Variants in FSTL5 observed in about 807,000 individuals in gnomAD.
FSTL5 encodes the protein follistatin-related protein 5.
FSTL5 carries 62 observed loss-of-function variants against 89.1 expected under a neutral mutation model. The ratio of observed to expected loss-of-function variants is 0.70; its 90% CI spans 0.57 to 0.86. The LOEUF (loss-of-function observed/expected upper bound fraction) is 0.86. Ranked by LOEUF, FSTL5 falls within the 40% of genes least tolerant of loss-of-function variation. FSTL5 has a pLI of 0.00. For missense variants in FSTL5, 1,057 were observed against 1,001.6 expected, an observed-to-expected ratio of 1.06 and a Z score of -0.75; for synonymous variants, 383 against 346.2, an observed-to-expected ratio of 1.11 and a Z score of -1.18.
Position 161,391,151 on chromosome 4 carries a change from G to A in FSTL5, c.1842-4702C>T, listed in dbSNP as rs561370114. On this transcript the variant is annotated intron_variant, in intron 15 of 15. Transcript: ENST00000306100. Reference sequence around the variant, plus strand: ...ACAAAAGCATTTTGAAAGCTGTTCCGATGTCCCAATTATTAAAGTCATATT... The same window carrying A: ...ACAAAAGCATTTTGAAAGCTGTTCCAATGTCCCAATTATTAAAGTCATATT... Among the ~76,000 whole-genome samples the A allele has an allele frequency of 1.3e-4, 20 of 152,138 alleles. No individual in the cohort carries two copies. The South Asian group carries it at 3.1e-3, about 24-fold the overall frequency.
chr4:161,993,150 CTTAT>C (rs1292378606), intron 3 of FSTL5, among the ~76,000 whole-genome samples: 3 of 150,982 alleles, frequency 2.0e-5, no homozygotes, highest in Non-Finnish European at 4.4e-5. Context: ...TTTGTCAATA[CTTAT>C]TTATCTTTTT....
chr4:161,580,647 G>T (rs1733399748), intron 8 of FSTL5, among the ~76,000 whole-genome samples: 1 of 152,088 alleles, frequency 6.6e-6, no homozygotes. Context: ...GGGTAGCTGT[G>T]CTTCTTACCC....
At chr4:161,471,277 T>A (rs1323803850) in intron 13 of FSTL5, among the ~76,000 whole-genome samples, 1 of 152,196 alleles carries the variant, frequency 6.6e-6, no homozygotes, top group African/African-American at 2.4e-5. Flanking sequence ...AGTGTTAAAT[T>A]TTATCACATG....
chr4:161,520,784 T>C (rs1412839467), intron 10 of FSTL5, among the ~76,000 whole-genome samples: 1 of 152,182 alleles, frequency 6.6e-6, no homozygotes, highest in Admixed American at 6.5e-5. Context: ...AAACAATAAT[T>C]TCTTTCATAA....
intron 10 of FSTL5, among the ~76,000 whole-genome samples, chr4:161,524,639 A>G (rs923618922): frequency 6.6e-6 from 1 of 152,058 alleles, no homozygotes; most frequent in Non-Finnish European, 1.5e-5. Context: ...GATATATTAC[A>G]CAAAGTTAAC....
At chr4:162,076,328 A>C (rs555293390) in intron 2 of FSTL5, among the ~76,000 whole-genome samples, 1 of 151,984 alleles carries the variant, frequency 6.6e-6, no homozygotes, top group South Asian at 2.1e-4. Context: ...TTTTTCCCAA[A>C]CTGTCTTGTC....
At chr4:161,649,557 C>T (rs979607179) in intron 7 of FSTL5, among the ~76,000 whole-genome samples, 2 of 152,080 alleles carry the variant, frequency 1.3e-5, no homozygotes, top group African/African-American at 4.8e-5. Context: ...ATTTGAAATA[C>T]AATAGATAAT....
chr4:161,777,842 C>T (rs370871992), intron 4 of FSTL5, among the ~76,000 whole-genome samples: 1 of 152,162 alleles, frequency 6.6e-6, no homozygotes, highest in African/African-American at 2.4e-5. Flanking sequence ...GTCTGTAATC[C>T]CAGCACTTTG....
chr4:161,794,758 T>C (rs1729579645), intron 4 of FSTL5, among the ~76,000 whole-genome samples: 1 of 152,204 alleles, frequency 6.6e-6, no homozygotes, highest in East Asian at 1.9e-4. Context: ...TATGATTCAT[T>C]TATCTATTAC....
At chr4:161,713,927 A>G (rs2126742807) in intron 6 of FSTL5, among the ~76,000 whole-genome samples, 1 of 152,266 alleles carries the variant, frequency 6.6e-6, no homozygotes, top group East Asian at 1.9e-4. Context: ...TTGTTCCTCA[A>G]AAATATGCCC....
chr4:161,551,588 C>G (rs1363617655), intron 8 of FSTL5, among the ~76,000 whole-genome samples: 18 of 151,932 alleles, frequency 1.2e-4, no homozygotes, highest in Middle Eastern at 3.2e-3. Flanking sequence ...TCAAACTATA[C>G]TACAAGGCTA....
rs116628815 is a variant in FSTL5 at position 161,731,504 on chromosome 4, C to A, written c.727+27907G>T. On this transcript the variant is annotated intron_variant, in intron 6 of 15. Coordinates refer to ENST00000306100, the MANE Select transcript of FSTL5 (RefSeq NM_020116.5). ...CCCCTTTACTCTCTCTCCTGCTCTGCCTTGGTAAGATGTACTAGCTTCCCT... is the reference window on the plus strand; with the variant it reads ...CCCCTTTACTCTCTCTCCTGCTCTGACTTGGTAAGATGTACTAGCTTCCCT... Among the ~76,000 whole-genome samples the A allele has an allele frequency of 6.2e-3, 947 of 152,088 alleles. 10 individuals are homozygous for A. The highest frequency in any genetic ancestry group is 0.01 in the Non-Finnish European group (698 of 67,980).
chr4:162,101,601 A>G (rs1433650741), intron 2 of FSTL5, among the ~76,000 whole-genome samples: 3 of 152,226 alleles, frequency 2.0e-5, no homozygotes, highest in African/African-American at 7.2e-5. Context: ...TTAAAAAAAT[A>G]GAAGAATATT....
At chr4:161,931,654 C>T (rs1734287699) in intron 3 of FSTL5, among the ~76,000 whole-genome samples, 1 of 151,732 alleles carries the variant, frequency 6.6e-6, no homozygotes, top group South Asian at 2.1e-4. Context: ...AATGAATAAA[C>T]TGGTGGTCAC....
chr4:161,555,342 A>G (rs891523049), intron 8 of FSTL5, among the ~76,000 whole-genome samples: 6 of 151,582 alleles, frequency 4.0e-5, no homozygotes, highest in African/African-American at 1.4e-4. Flanking sequence ...CTGAAACACA[A>G]AAGAAAATAT....
chr4:161,878,899 G>T (rs1312425114), intron 4 of FSTL5, among the ~76,000 whole-genome samples: 1 of 152,038 alleles, frequency 6.6e-6, no homozygotes, highest in Non-Finnish European at 1.5e-5. Context: ...ATCATTCCCA[G>T]CTTACATATG....
intron 4 of FSTL5, among the ~76,000 whole-genome samples, chr4:161,825,217 ATCCCTG>A (rs749598738): frequency 2.6e-5 from 4 of 152,188 alleles, no homozygotes; most frequent in Admixed American, 6.5e-5. Context: ...ATGTGAAACC[ATCCCTG>A]CATTCCTGGT....
intron 13 of FSTL5, among the ~76,000 whole-genome samples, chr4:161,468,082 CCTT>C (rs1733806954): frequency 3.3e-5 from 5 of 152,170 alleles, no homozygotes; most frequent in South Asian, 2.1e-4. Flanking sequence ...ATTTCACTCT[CCTT>C]CTTTCTAGCA....
chr4:161,955,764 ACT>A (rs1329106377), intron 3 of FSTL5, among the ~76,000 whole-genome samples: 2 of 151,682 alleles, frequency 1.3e-5, no homozygotes, highest in African/African-American at 4.8e-5. Context: ...AGCATCTGTA[ACT>A]CTTGCAGTTT....
Sources: gnomAD v4.1 joint callset for allele counts (sites outside exome capture counted in the v4.1 genomes callset) on GRCh38, gnomAD v4.1.1 for gene constraint, MANE v1.5 for transcripts, NCBI Gene and HGNC (gene_info 2026-07-23, HGNC 2026-07-21) for gene names.